Variants in TRIM24 observed in about 807,000 individuals in gnomAD.
TRIM24 encodes transcription intermediary factor 1-alpha.
A neutral mutation model predicts 123.9 loss-of-function variants in TRIM24; 29 were observed. The ratio of observed to expected loss-of-function variants is 0.23; its 90% CI spans 0.17 to 0.32. The LOEUF is 0.32. Ranked by LOEUF, TRIM24 falls within the 10% of genes least tolerant of loss-of-function variation. The pLI is 1.00. For missense variants in TRIM24, 932 were observed against 1,295.3 expected (o/e 0.72, Z 4.31); for synonymous variants, 456 against 461.1 (o/e 0.99, Z 0.14).
intron 1 of TRIM24, among the ~76,000 whole-genome samples, chr7:138,469,948 G>T (rs1795233534): frequency 6.6e-6 from 1 of 152,090 alleles, no homozygotes; most frequent in Non-Finnish European, 1.5e-5. Context: ...ACCAAAGGAT[G>T]TGTGCCTTAG....
At chr7:138,584,077 TAGGAGACCA>T in intron 18 of TRIM24, 78 bp downstream of exon 18, 1 of 1,468,050 alleles carries the variant, frequency 6.8e-7, no homozygotes, top group Non-Finnish European at 9.1e-7. Flanking sequence ...CTTGTCAACA[TAGGAGACCA>T]AGATGTCTGA....
chr7:138,581,651 A>ATTGT, intron 16 of TRIM24, 46 bp from the exon 17 acceptor site: 1 of 1,487,892 alleles, frequency 6.7e-7, no homozygotes, highest in East Asian at 2.3e-5. Flanking sequence ...CTGTGAATTC[A>ATTGT]TTGTTTTATA....
chr7:138,500,125 C>A (rs1001850768), intron 1 of TRIM24, among the ~76,000 whole-genome samples: 1 of 152,056 alleles, frequency 6.6e-6, no homozygotes, highest in Non-Finnish European at 1.5e-5. Context: ...CAAAGAAGTG[C>A]GAGCCATTCC....
intron 3 of TRIM24, among the ~76,000 whole-genome samples, chr7:138,518,797 G>A (rs1005168952): frequency 3.9e-5 from 6 of 152,030 alleles, no homozygotes; most frequent in African/African-American, 1.4e-4. Flanking sequence ...CACTGTGCCA[G>A]GCTTGATTTT....
At chr7:138,498,916 G>C (rs1318946913) in intron 1 of TRIM24, among the ~76,000 whole-genome samples, 1 of 152,072 alleles carries the variant, frequency 6.6e-6, no homozygotes, top group African/African-American at 2.4e-5. Flanking sequence ...TTACAGGTGT[G>C]AGCCACCATG....
chr7:138,573,715 C>CTCT, intron 12 of TRIM24, 73 bp downstream of exon 12: 1 of 1,491,472 alleles, frequency 6.7e-7, no homozygotes, highest in Non-Finnish European at 9.0e-7. Context: ...AAAATTACCC[C>CTCT]TCTTCTCCTT....
chr7:138,583,753 T>C, intron 17 of TRIM24, 97 bp from the exon 18 acceptor site: 1 of 922,262 alleles, frequency 1.1e-6, no homozygotes, highest in Non-Finnish European at 1.6e-6. Context: ...AGAAAAGCAA[T>C]GAGAACATTC....
chr7:138,537,695 T>C (rs1584726850), intron 6 of TRIM24, among the ~76,000 whole-genome samples: 1 of 152,186 alleles, frequency 6.6e-6, no homozygotes, highest in East Asian at 1.9e-4. Context: ...TTAAATTAGA[T>C]ATGGCAGAGC....
At chr7:138,517,489 A>G (rs370051560) in intron 3 of TRIM24, among the ~76,000 whole-genome samples, 4 of 151,284 alleles carry the variant, frequency 2.6e-5, no homozygotes, top group African/African-American at 7.3e-5. Context: ...TCCTACTTCA[A>G]CCTCCCAAGT....
At chr7:138,499,805 TG>T (rs1283569183) in intron 1 of TRIM24, among the ~76,000 whole-genome samples, 5 of 151,778 alleles carry the variant, frequency 3.3e-5, no homozygotes, top group African/African-American at 1.2e-4. Flanking sequence ...GTTAGCATTC[TG>T]TTTTTTTTTT....
Position 138,579,327 on chromosome 7 carries a change from C to T in TRIM24, c.2380C>T (p.Gln794Ter). Residue 794 changes from glutamine to a stop codon, truncating the protein, a stop_gained, in exon 15 of 19, where the codon CAG becomes TAG. Transcript: ENST00000343526. LOFTEE classifies it high-confidence loss of function. ...TACAGGAGATCAACCTGGACTTCAC[C>T]AGGACAATTCCTCAAATGGAAAGTC... ...DSTGDQPGLHQDNSSNGKSEW... is the reference protein window; with the variant it reads ...DSTGDQPGLH 6.2e-7 allele frequency: 1 copy of T among 1,614,150 alleles called. No homozygotes were observed. The highest frequency in any genetic ancestry group is 8.5e-7 in the Non-Finnish European group (1 of 1,180,020).
intron 3 of TRIM24, among the ~76,000 whole-genome samples, chr7:138,518,557 A>G (rs1455289648): frequency 6.6e-6 from 1 of 152,166 alleles, no homozygotes. Flanking sequence ...TTCTGTGTTA[A>G]TGGGTATTCT....
Position 138,460,484 on chromosome 7 carries a change from A to G in TRIM24, c.-65A>G. 8.0e-7 allele frequency: 1 copy of G among 1,247,120 alleles called. No individual in the cohort carries two copies. Among genetic ancestry groups the G allele is most frequent in the Non-Finnish European group, 1.0e-6 (1 of 996,994 alleles). 77.3% of individuals were successfully genotyped at this position (1,247,120 alleles called of 1,614,324 possible). A position where few individuals can be genotyped will look rare whatever the true frequency, so the allele number is the denominator to read the frequency against. On this transcript the variant is annotated 5_prime_UTR_variant, in exon 1 of 19. Coordinates refer to ENST00000343526, the MANE Select transcript of TRIM24 (RefSeq NM_015905.3). The stretch of plus-strand genomic sequence containing the variant: ...GAGGAGCAGCCGCAGGAGGAGGAGG[A>G]GGTCGTCGGGGGCGGCGGGCGGAGA...
At chr7:138,518,355 A>C (rs1796441556) in intron 3 of TRIM24, among the ~76,000 whole-genome samples, 1 of 152,152 alleles carries the variant, frequency 6.6e-6, no homozygotes. Flanking sequence ...ATTAATAGTA[A>C]TTATCTCTGG....
At chr7:138,570,730 C>A in intron 10 of TRIM24, 100 bp from the exon 11 acceptor site, 17 of 1,077,516 alleles carry the variant, frequency 1.6e-5, no homozygotes, top group African/African-American at 1.6e-5. Flanking sequence ...ATGTAAATTA[C>A]AGTTGAACTC....
intron 1 of TRIM24, among the ~76,000 whole-genome samples, chr7:138,465,522 A>G (rs537945995): frequency 1.3e-5 from 2 of 152,358 alleles, no homozygotes; most frequent in Non-Finnish European, 2.9e-5. Flanking sequence ...CTGAGAACAT[A>G]CTTTTGAAAG....
intron 6 of TRIM24, among the ~76,000 whole-genome samples, chr7:138,533,370 T>A (rs1177884697): frequency 2.0e-5 from 3 of 152,214 alleles, no homozygotes; most frequent in African/African-American, 7.2e-5. Context: ...AAATAGCTCT[T>A]ATTATTTTGA....
At chr7:138,468,571 C>T (rs946308003) in intron 1 of TRIM24, among the ~76,000 whole-genome samples, 7 of 151,922 alleles carry the variant, frequency 4.6e-5, no homozygotes, top group Admixed American at 3.9e-4. Flanking sequence ...TTTTTTATCC[C>T]AGCTTTTAAT....
intron 9 of TRIM24, among the ~76,000 whole-genome samples, chr7:138,557,853 C>G (rs934679950): frequency 2.6e-5 from 4 of 152,170 alleles, no homozygotes; most frequent in African/African-American, 9.7e-5. Flanking sequence ...CTGCCTATAA[C>G]GTTATGATGC....
Sources: allele counts gnomAD v4.1 joint callset (sites outside exome capture counted in the v4.1 genomes callset), GRCh38; gene constraint gnomAD v4.1.1; transcripts MANE v1.5; gene names NCBI Gene and HGNC (gene_info 2026-07-23, HGNC 2026-07-21).